Variants in SMAD3 observed in about 807,000 individuals in gnomAD.
The protein encoded by SMAD3 is MAD homolog 3.
SMAD3 carries 12 observed loss-of-function variants against 51.8 expected under a neutral mutation model. The ratio of observed to expected loss-of-function variants is 0.23; its 90% CI spans 0.15 to 0.38. SMAD3 has a LOEUF of 0.38. SMAD3 is among the 10% of genes least tolerant of loss of function. The probability of loss-of-function intolerance (pLI) is 1.00; values close to 1 mark genes in which losing one functional copy is unlikely to be tolerated. For missense variants in SMAD3, 294 were observed against 565.6 expected (o/e 0.52, Z 4.87); for synonymous variants, 238 against 227.7 (o/e 1.05, Z -0.41).
chr15:67,069,449 T>C (rs924302147), intron 1 of SMAD3, among the ~76,000 whole-genome samples: 1 of 152,196 alleles, frequency 6.6e-6, no homozygotes, highest in African/African-American at 2.4e-5. Flanking sequence ...GAATGAGAGT[T>C]GGTGTGTGAG....
chr15:67,127,507 A>G (rs909119970), intron 1 of SMAD3, among the ~76,000 whole-genome samples: 2 of 152,166 alleles, frequency 1.3e-5, no homozygotes, highest in African/African-American at 2.4e-5. Context: ...GAATCCATAC[A>G]GGATGTAGGC....
rs1464740111 is a variant in SMAD3, at chr15:67,066,301, C to A, written c.147C>A (p.Asp49Glu). The A allele has an allele frequency of 1.2e-6, 2 of 1,613,544 alleles. No homozygotes were observed. The highest frequency in any genetic ancestry group is 1.7e-6 in the Non-Finnish European group (2 of 1,179,860). ...AACTCAAGAAGACGGGGCAGCTGGACGAGCTGGAGAAGGCCATCACCACGC... is the reference window on the plus strand; with the variant it reads ...AACTCAAGAAGACGGGGCAGCTGGAAGAGCTGGAGAAGGCCATCACCACGC... The part of the protein sequence containing the change: ...VKKLKKTGQL[D>E]ELEKAITTQN... Residue 49 changes from aspartate (D) to glutamate (E), a missense_variant, in exon 1 of 9, where the codon GAC becomes GAA. Around this residue, in one of 3 missense-constraint regions of SMAD3, gnomAD observed 147 missense variants for 260.9 expected, o/e 0.56. Coordinates refer to ENST00000327367, the MANE Select transcript of SMAD3 (RefSeq NM_005902.4).
intron 1 of SMAD3, chr15:67,128,238 A>T (rs906777050): frequency 6.6e-6 from 1 of 152,098 alleles, no homozygotes; most frequent in African/African-American, 2.4e-5. Context: ...TTTTTCTAAG[A>T]TGTGTAAGAT....
At chr15:67,177,422 G>GTTTT (rs68095915) in intron 5 of SMAD3, among the ~76,000 whole-genome samples, 1,184 of 93,918 alleles carry the variant, frequency 0.013, 54 homozygotes, top group Middle Eastern at 0.043. Flanking sequence ...AGTGTTTTGG[G>GTTTT]TTTTTTTTTT....
At chr15:67,079,667 C>T (rs1167758407) in intron 1 of SMAD3, among the ~76,000 whole-genome samples, 1 of 152,126 alleles carries the variant, frequency 6.6e-6, no homozygotes, top group Non-Finnish European at 1.5e-5. Context: ...TATTTACTTA[C>T]CTACAGTACT....
chr15:67,074,348 T>G (rs1960121365), intron 1 of SMAD3, among the ~76,000 whole-genome samples: 1 of 152,224 alleles, frequency 6.6e-6, no homozygotes, highest in Admixed American at 6.5e-5. Flanking sequence ...CTAAAAATGG[T>G]TAAATGTAAG....
intron 1 of SMAD3, among the ~76,000 whole-genome samples, chr15:67,120,064 T>C (rs1452524990): frequency 6.6e-6 from 1 of 152,218 alleles, no homozygotes; most frequent in African/African-American, 2.4e-5. Flanking sequence ...CCCAAAGTGC[T>C]GGGATTAAAG....
intron 5 of SMAD3, among the ~76,000 whole-genome samples, chr15:67,179,682 A>G (rs1216949084): frequency 6.6e-6 from 1 of 152,192 alleles, no homozygotes; most frequent in Non-Finnish European, 1.5e-5. Context: ...TGGGCAGAAC[A>G]GCTTCTGACT....
intron 1 of SMAD3, among the ~76,000 whole-genome samples, chr15:67,130,824 A>T (rs1157867290): frequency 1.3e-5 from 2 of 151,746 alleles, no homozygotes; most frequent in Non-Finnish European, 2.9e-5. Context: ...GTCTAATCAC[A>T]GGTTCTGCCT....
rs141408841 is a variant in SMAD3 at position 67,192,332 on chromosome 15, TGACA to T, written c.*1800_*1803del. The T allele has an allele frequency of 1.5e-3, 340 of 233,122 alleles. 1 individual carries two copies. The highest frequency in any genetic ancestry group is 6.8e-3 in the African/African-American group (309 of 45,426). 14.4% of individuals were successfully genotyped at this position (233,122 alleles called of 1,614,324 possible). A position where few individuals can be genotyped will look rare whatever the true frequency, so the allele number is the denominator to read the frequency against. On this transcript the variant is annotated 3_prime_UTR_variant, in exon 9 of 9. Coordinates refer to ENST00000327367, the MANE Select transcript of SMAD3 (RefSeq NM_005902.4). ...ACAGGAAGAGACGGAAGGAGCACCT[TGACA>T]GACTTGTGTGAGTCTTCTCGAAGGA...
chr15:67,118,253 G>A (rs1454121352), intron 1 of SMAD3, among the ~76,000 whole-genome samples: 1 of 152,238 alleles, frequency 6.6e-6, no homozygotes, highest in African/African-American at 2.4e-5. Context: ...CCCAGTGAGG[G>A]CCTGTCCAGC....
intron 1 of SMAD3, among the ~76,000 whole-genome samples, chr15:67,134,184 G>A (rs1273524023): frequency 1.3e-5 from 2 of 152,018 alleles, no homozygotes; most frequent in Non-Finnish European, 2.9e-5. Flanking sequence ...TTATTTCCAA[G>A]GCTCAACCCC....
intron 1 of SMAD3, among the ~76,000 whole-genome samples, chr15:67,072,768 C>A (rs1960084033): frequency 6.6e-6 from 1 of 152,186 alleles, no homozygotes; most frequent in Admixed American, 6.5e-5. Flanking sequence ...AGTCCCTGAG[C>A]CATGGAGCCT....
In SMAD3 at chr15:67,065,785, T is replaced by C. The variant is rs1351374981; in HGVS notation, c.-370T>C. On this transcript the variant is annotated 5_prime_UTR_variant, in exon 1 of 9. Transcript: ENST00000327367. ...CGAAGTTTGGCCGGGGGTTGGACTT[T>C]CCTTCCCGGAGGCGGCACCCAAACA... is the stretch of plus-strand genomic sequence containing the variant. 1 of 202,724 alleles carries C rather than the reference T, an allele frequency of 4.9e-6. No individual in the cohort carries two copies. Among genetic ancestry groups the C allele is most frequent in the Non-Finnish European group, 1.0e-5 (1 of 98,372 alleles). The allele number at this position is 202,724 out of a possible 1,614,324, so 12.6% of individuals were successfully genotyped here. A position where few individuals can be genotyped will look rare whatever the true frequency, so the allele number is the denominator to read the frequency against.
intron 1 of SMAD3, among the ~76,000 whole-genome samples, chr15:67,127,888 T>G (rs34305640): frequency 6.6e-6 from 1 of 152,208 alleles, no homozygotes; most frequent in Non-Finnish European, 1.5e-5. Context: ...TCAATGAAGC[T>G]GGGGGGAGCT....
rs1454887246 is a variant in SMAD3 at position 67,194,326 on chromosome 15, A to G, written c.*3790A>G. ...TCAAGTGGGTAGGGAAAGCAGAAAA[A>G]CGTACGCAAGAGGACATGGATCCAA... On this transcript the variant is annotated 3_prime_UTR_variant, in exon 9 of 9. Coordinates refer to ENST00000327367, the MANE Select transcript of SMAD3 (RefSeq NM_005902.4). 1 of 232,992 alleles carries G rather than the reference A, an allele frequency of 4.3e-6. No individual in the cohort carries two copies. The highest frequency in any genetic ancestry group is 8.5e-6 in the Non-Finnish European group (1 of 117,896). The allele number at this position is 232,992 out of a possible 1,614,324, so 14.4% of individuals were successfully genotyped here.
intron 1 of SMAD3, among the ~76,000 whole-genome samples, chr15:67,135,968 G>A (rs568109699): frequency 1.6e-4 from 24 of 152,116 alleles, no homozygotes; most frequent in African/African-American, 3.9e-4. Flanking sequence ...TCTCGCTCCC[G>A]TTTCACAGGT....
chr15:67,142,902 G>A (rs779196664), intron 1 of SMAD3: 2 of 446,962 alleles, frequency 4.5e-6, no homozygotes, highest in Non-Finnish European at 9.0e-6. Flanking sequence ...TCCAGCCTCT[G>A]CATACCCGTC....
At chr15:67,097,399 G>T (rs988400209) in intron 1 of SMAD3, among the ~76,000 whole-genome samples, 4 of 150,582 alleles carry the variant, frequency 2.7e-5, no homozygotes, top group South Asian at 2.1e-4. Context: ...TGTTTTTTTT[G>T]TTGTTGTTTT....
Sources: allele counts gnomAD v4.1 joint callset (sites outside exome capture counted in the v4.1 genomes callset), GRCh38; gene constraint gnomAD v4.1.1; regional missense constraint gnomAD v4.1.1; transcripts MANE v1.5; gene names NCBI Gene and HGNC (gene_info 2026-07-23, HGNC 2026-07-21).